Variants in STX18 observed in about 807,000 individuals in gnomAD.
STX18 encodes the protein syntaxin-18.
STX18 carries 40 observed loss-of-function variants against 50.1 expected under a neutral mutation model. The observed-to-expected ratio is 0.80, with a 90% confidence interval of 0.62 to 1.04. The LOEUF (loss-of-function observed/expected upper bound fraction) is 1.04. Among genes scored for constraint, STX18 ranks in the 50% least tolerant of loss-of-function variants. STX18 has a pLI of 0.00. For missense variants in STX18, 410 were observed against 415.8 expected, an observed-to-expected ratio of 0.99 and a Z score of 0.12; for synonymous variants, 158 against 151.8, an observed-to-expected ratio of 1.04 and a Z score of -0.30.
At chr4:4,523,966 C>T in intron 1 of STX18, among the ~76,000 whole-genome samples, 1 of 152,208 alleles carries the variant, frequency 6.6e-6, no homozygotes, top group East Asian at 1.9e-4. Context: ...GAGTTCTTCA[C>T]TTCCACCTGT....
intron 1 of STX18, among the ~76,000 whole-genome samples, chr4:4,515,751 T>G (rs1261902117): frequency 1.3e-5 from 2 of 152,184 alleles, no homozygotes; most frequent in Non-Finnish European, 2.9e-5. Flanking sequence ...AATTATTTTT[T>G]CCTAGCACAT....
chr4:4,421,177 C>T (rs1028576983), intron 9 of STX18, among the ~76,000 whole-genome samples: 3 of 152,168 alleles, frequency 2.0e-5, no homozygotes, highest in Non-Finnish European at 4.4e-5. Flanking sequence ...CAAGGGCTAA[C>T]GGCTTTACTT....
At chr4:4,469,697 AC>A (rs1553840843) in intron 2 of STX18, among the ~76,000 whole-genome samples, 1 of 152,144 alleles carries the variant, frequency 6.6e-6, no homozygotes, top group Non-Finnish European at 1.5e-5. Context: ...CACTCGCACC[AC>A]TTCTCAGGTA....
At position 4,509,154 on chromosome 4, in the gene STX18, T is replaced by C. The variant is rs144651578; in HGVS notation, c.168+32643A>G. 2.1e-3 allele frequency among the ~76,000 whole-genome samples: 319 copies of C among 152,326 alleles called. 5 individuals are homozygous for C. The highest frequency in any genetic ancestry group is 0.01 in the Admixed American group (154 of 15,306). ...GAATTGCCACTGTCTTCCACAATGG[T>C]TGAACTAATTTACACTCCCACCAAC... On this transcript the variant is annotated intron_variant, in intron 1 of 10. Transcript: ENST00000306200.
chr4:4,522,462 AAAG>A (rs1357165559), intron 1 of STX18, among the ~76,000 whole-genome samples: 4 of 152,240 alleles, frequency 2.6e-5, no homozygotes, highest in African/African-American at 7.2e-5. Context: ...TGGGAAAATG[AAAG>A]AAGAAGACAG....
intron 1 of STX18, among the ~76,000 whole-genome samples, chr4:4,540,842 C>A (rs1731552982): frequency 3.3e-5 from 5 of 152,100 alleles, no homozygotes; most frequent in Non-Finnish European, 7.4e-5. Flanking sequence ...CTATACAGTG[C>A]CAAGTGTATG....
At chr4:4,537,128 C>T (rs1731381137) in intron 1 of STX18, among the ~76,000 whole-genome samples, 1 of 152,174 alleles carries the variant, frequency 6.6e-6, no homozygotes, top group Admixed American at 6.5e-5. Flanking sequence ...CCCCCCCTGG[C>T]TCCTGTAACC....
chr4:4,525,688 C>T (rs1218483202), intron 1 of STX18, among the ~76,000 whole-genome samples: 1 of 152,110 alleles, frequency 6.6e-6, no homozygotes. Flanking sequence ...TTTTCCATCC[C>T]CTGTGCCCAA....
At chr4:4,532,531 G>C (rs1270719163) in intron 1 of STX18, among the ~76,000 whole-genome samples, 1 of 152,074 alleles carries the variant, frequency 6.6e-6, no homozygotes, top group Non-Finnish European at 1.5e-5. Flanking sequence ...GTAATGGGCA[G>C]TTATCACTGC....
At chr4:4,530,991 T>C (rs2108923171) in intron 1 of STX18, among the ~76,000 whole-genome samples, 1 of 152,346 alleles carries the variant, frequency 6.6e-6, no homozygotes, top group South Asian at 2.1e-4. Flanking sequence ...GTTTTTACAG[T>C]TAAATCTTTA....
rs557125164 is a variant in STX18 at position 4,437,418 on chromosome 4, A to G, written c.613+976T>C. The G allele has an allele frequency of 3.0e-4, 48 of 158,244 alleles. 1 individual carries two copies. In the South Asian group the frequency reaches 8.3e-3, roughly 27 times the overall value. The allele number at this position is 158,244 out of a possible 1,614,324, so 9.8% of individuals were successfully genotyped here. ...CATCCCTGAAACTTATTGAGCTCCAATGTGACACCCAAAGGAAATACTCAT... is the reference window on the plus strand; with the variant it reads ...CATCCCTGAAACTTATTGAGCTCCAGTGTGACACCCAAAGGAAATACTCAT... On this transcript the variant is annotated intron_variant, in intron 6 of 10. Coordinates refer to ENST00000306200, the MANE Select transcript of STX18 (RefSeq NM_016930.4).
At chr4:4,479,396 T>A (rs1203830901) in intron 1 of STX18, among the ~76,000 whole-genome samples, 1 of 152,170 alleles carries the variant, frequency 6.6e-6, no homozygotes, top group African/African-American at 2.4e-5. Context: ...CCCATCTGAG[T>A]ACAATTAAGT....
rs138157183 is a variant in STX18 at position 4,540,742 on chromosome 4, T to C, written c.168+1055A>G. On this transcript the variant is annotated intron_variant, in intron 1 of 10. Coordinates refer to ENST00000306200, the MANE Select transcript of STX18 (RefSeq NM_016930.4). ...CATCAATAGGGCGAGTGTATTCATC[T>C]GGTCCAATCCCCTTTCTAATGTTTA... Among the ~76,000 whole-genome samples, 641 of 152,360 alleles carry C rather than the reference T, an allele frequency of 4.2e-3. 4 individuals carry two copies. The highest frequency in any genetic ancestry group is 0.015 in the African/African-American group (612 of 41,590).
Position 4,430,464 on chromosome 4 carries a change from G to C in STX18, c.702+4306C>G, listed in dbSNP as rs182450575. On this transcript the variant is annotated intron_variant, in intron 7 of 10. Transcript: ENST00000306200. ...TTAAATAGCCTGTCATAAAAGTACT[G>C]AACATTACAGCCTTCTGCCCGATCC... Among the ~76,000 whole-genome samples, 3 of 152,308 alleles carry C rather than the reference G, an allele frequency of 2.0e-5. No homozygotes were observed. The East Asian group carries it at 5.8e-4, about 29-fold the overall frequency.
At chr4:4,436,780 C>T (rs187556335) in intron 6 of STX18, among the ~76,000 whole-genome samples, 1 of 152,286 alleles carries the variant, frequency 6.6e-6, no homozygotes, top group East Asian at 1.9e-4. Flanking sequence ...TCCAAGCTTA[C>T]TCCCACCTCT....
At chr4:4,454,367 A>G (rs1000236762) in intron 5 of STX18, among the ~76,000 whole-genome samples, 1 of 152,228 alleles carries the variant, frequency 6.6e-6, no homozygotes, top group Admixed American at 6.5e-5. Context: ...TCTGACTGAT[A>G]TTAATTTGTA....
chr4:4,442,301 T>TA (rs1290375693), intron 5 of STX18, among the ~76,000 whole-genome samples: 1 of 151,294 alleles, frequency 6.6e-6, no homozygotes, highest in Non-Finnish European at 1.5e-5. Context: ...GATATACACA[T>TA]AAAAAAATGA....
chr4:4,455,987 G>A (rs1426275445), intron 5 of STX18, among the ~76,000 whole-genome samples: 2 of 152,090 alleles, frequency 1.3e-5, no homozygotes, highest in Non-Finnish European at 2.9e-5. Context: ...GACACAGTAA[G>A]AATTTAAAAA....
intron 1 of STX18, among the ~76,000 whole-genome samples, chr4:4,514,611 C>T (rs1267164871): frequency 1.3e-5 from 2 of 152,126 alleles, no homozygotes; most frequent in South Asian, 2.1e-4. Context: ...AGCAGTAATA[C>T]AATAGGATAG....
Sources: allele counts gnomAD v4.1 joint callset (sites outside exome capture counted in the v4.1 genomes callset), GRCh38; gene constraint gnomAD v4.1.1; transcripts MANE v1.5; gene names NCBI Gene and HGNC (gene_info 2026-07-23, HGNC 2026-07-21).